Variants in PCLO observed in about 807,000 individuals in gnomAD.
PCLO encodes the protein piccolo presynaptic cytomatrix protein.
PCLO carries 82 observed loss-of-function variants against 427.5 expected under a neutral mutation model. The observed-to-expected ratio is 0.19, with a 90% CI of 0.16 to 0.23. PCLO has a LOEUF of 0.23. Ranked by LOEUF, PCLO falls within the 10% of genes least tolerant of loss-of-function variation. The pLI is 1.00. For synonymous variants in PCLO, 2,357 were observed against 2,155.4 expected (o/e 1.09, Z -2.59); for missense variants, 6,239 against 6,115.9 (o/e 1.02, Z -0.67).
At chr7:82,989,571 T>C (rs1294748009) in intron 3 of PCLO, among the ~76,000 whole-genome samples, 2 of 152,136 alleles carry the variant, frequency 1.3e-5, no homozygotes, top group African/African-American at 4.8e-5. Flanking sequence ...AATTGAGATA[T>C]TTATTTTTCA....
intron 16 of PCLO, among the ~76,000 whole-genome samples, chr7:82,830,179 T>A (rs954185167): frequency 1.3e-5 from 2 of 151,848 alleles, no homozygotes; most frequent in Non-Finnish European, 2.9e-5. Context: ...AAAACAAATA[T>A]AGCAAAATCT....
At chr7:82,855,731 A>G (rs1239739125) in intron 10 of PCLO, among the ~76,000 whole-genome samples, 1 of 152,114 alleles carries the variant, frequency 6.6e-6, no homozygotes, top group East Asian at 1.9e-4. Flanking sequence ...AAGAGAAGAC[A>G]ATGTCGTATT....
At chr7:82,835,560 A>ATT (rs956214843) in intron 16 of PCLO, 107 bp downstream of exon 16, 10 of 762,002 alleles carry the variant, frequency 1.3e-5, no homozygotes, top group Non-Finnish European at 2.0e-5. Flanking sequence ...GTAGAAAAAT[A>ATT]TAAGTTACAG....
chr7:83,117,747 G>A (rs553543288), intron 3 of PCLO, among the ~76,000 whole-genome samples: 2 of 152,302 alleles, frequency 1.3e-5, no homozygotes, highest in Admixed American at 6.5e-5. Flanking sequence ...GATGTGCTGA[G>A]AGTAATAAAG....
At chr7:83,106,302 C>T (rs17157177) in intron 3 of PCLO, among the ~76,000 whole-genome samples, 69,707 of 151,914 alleles carry the variant, frequency 0.46, 16,385 homozygotes, top group East Asian at 0.71. Context: ...CTGTGTCTGC[C>T]GCTAAAGTTA....
intron 3 of PCLO, among the ~76,000 whole-genome samples, chr7:83,128,294 C>T (rs938222564): frequency 2.8e-4 from 43 of 151,964 alleles, no homozygotes; most frequent in African/African-American, 1.0e-3. Context: ...AATATAAGAA[C>T]AATACTAACC....
chr7:82,868,983 T>C (rs1253838919), intron 10 of PCLO, among the ~76,000 whole-genome samples: 1 of 152,156 alleles, frequency 6.6e-6, no homozygotes, highest in Non-Finnish European at 1.5e-5. Flanking sequence ...ATTGTTCTCT[T>C]ACAAAAATTG....
intron 3 of PCLO, among the ~76,000 whole-genome samples, chr7:83,026,477 G>C (rs200852560): frequency 0.089 from 13,498 of 152,024 alleles, 758 homozygotes; most frequent in East Asian, 0.19. Context: ...GACCTACAAA[G>C]AGACTTAAAC....
At chr7:83,143,465 A>G (rs1271221926) in intron 2 of PCLO, among the ~76,000 whole-genome samples, 2 of 152,228 alleles carry the variant, frequency 1.3e-5, no homozygotes, top group Admixed American at 1.3e-4. Context: ...CTGAAATTGC[A>G]TGGATTACAA....
intron 22 of PCLO, among the ~76,000 whole-genome samples, chr7:82,774,714 T>A (rs1790713460): frequency 1.3e-5 from 2 of 152,202 alleles, no homozygotes; most frequent in Non-Finnish European, 2.9e-5. Context: ...GTAGTTCATT[T>A]GTTACAATTG....
intron 3 of PCLO, among the ~76,000 whole-genome samples, chr7:82,980,363 G>A (rs955185481): frequency 3.3e-5 from 5 of 152,114 alleles, no homozygotes; most frequent in African/African-American, 1.2e-4. Context: ...TGAAGCTCCC[G>A]GAACATATGA....
chr7:82,796,015 A>G (rs959239374), intron 22 of PCLO, among the ~76,000 whole-genome samples: 5 of 152,188 alleles, frequency 3.3e-5, no homozygotes, highest in South Asian at 2.1e-4. Context: ...TATTTCAGAT[A>G]TTAATCTCTG....
chr7:82,901,415 A>C (rs1320458029), intron 9 of PCLO, among the ~76,000 whole-genome samples: 2 of 152,044 alleles, frequency 1.3e-5, no homozygotes, highest in African/African-American at 4.8e-5. Context: ...ACCTTATACA[A>C]AAATTAATTC....
chr7:82,912,549 T>A (rs1794348740), intron 7 of PCLO, among the ~76,000 whole-genome samples: 1 of 152,030 alleles, frequency 6.6e-6, no homozygotes, highest in African/African-American at 2.4e-5. Flanking sequence ...CTTGTCTGCT[T>A]AATTTTAAAA....
intron 22 of PCLO, among the ~76,000 whole-genome samples, chr7:82,799,115 T>G (rs1278200708): frequency 1.3e-5 from 2 of 152,218 alleles, no homozygotes; most frequent in African/African-American, 4.8e-5. Context: ...CTAAAACAAT[T>G]TTATTTATAA....
In PCLO at chr7:82,756,742, C is replaced by A. The variant is rs962145130; in HGVS notation, c.*1833G>T. The A allele has an allele frequency of 6.6e-5, 10 of 151,880 alleles. No homozygotes were observed. Among genetic ancestry groups the A allele is most frequent in the Admixed American group, 3.3e-4 (5 of 15,208 alleles). 9.4% of individuals were successfully genotyped at this position (151,880 alleles called of 1,614,324 possible). On this transcript the variant is annotated 3_prime_UTR_variant, in exon 25 of 25. Coordinates refer to ENST00000333891, the MANE Select transcript of PCLO (RefSeq NM_033026.6). ...TTTAAGCTCAGAATGCTCTGAGAAGCAATTTGATTTATTTCTTTTGGGTGG... is the reference window on the plus strand; with the variant it reads ...TTTAAGCTCAGAATGCTCTGAGAAGAAATTTGATTTATTTCTTTTGGGTGG...
chr7:82,914,599 T>C (rs1016794098), intron 7 of PCLO, 87 bp downstream of exon 7: 1 of 1,294,346 alleles, frequency 7.7e-7, no homozygotes, highest in Non-Finnish European at 1.1e-6. Flanking sequence ...AAAAGTAGGA[T>C]ACATCTCTGG....
rs868448405 is a variant in PCLO at position 83,146,564 on chromosome 7, T to C, written c.1893+8184A>G. Among the ~76,000 whole-genome samples, 57 of 152,016 alleles carry C rather than the reference T, an allele frequency of 3.7e-4. 1 individual carries two copies. The highest frequency in any genetic ancestry group is 3.4e-3 in the Middle Eastern group (1 of 294). On this transcript the variant is annotated intron_variant, in intron 2 of 24. Coordinates refer to ENST00000333891, the MANE Select transcript of PCLO (RefSeq NM_033026.6). ...ATATAAACAATGAGCAAGTTAACCC[T>C]TTACTATATTCAGCTTACTGATCCA...
intron 3 of PCLO, among the ~76,000 whole-genome samples, chr7:83,052,131 T>C (rs1222542213): frequency 2.0e-5 from 3 of 152,124 alleles, no homozygotes; most frequent in East Asian, 3.9e-4. Flanking sequence ...TTGGAGATGA[T>C]ATTTTAAATA....
Sources: allele counts gnomAD v4.1 joint callset (sites outside exome capture counted in the v4.1 genomes callset), GRCh38; gene constraint gnomAD v4.1.1; transcripts MANE v1.5; gene names NCBI Gene and HGNC (gene_info 2026-07-23, HGNC 2026-07-21).